The following PLCG2 variants were observed in gnomAD, a reference collection of about 807,000 sequenced individuals.
PLCG2 encodes the protein 1-phosphatidylinositol 4,5-bisphosphate phosphodiesterase gamma-2.
In PLCG2, 69 loss-of-function variants were observed where a neutral mutation model predicts 175.6. That is an observed-to-expected ratio of 0.39 (90% confidence interval 0.32 to 0.48). The LOEUF (loss-of-function observed/expected upper bound fraction) is 0.48. PLCG2 is among the 20% of genes least tolerant of loss of function. The pLI is 0.91. For synonymous variants in PLCG2, 827 were observed against 624.0 expected (o/e 1.33, Z -4.85); for missense variants, 1,798 against 1,650.9 (o/e 1.09, Z -1.54).
At chr16:81,849,921 TAACTAACTTTGGAA>T (rs1405547480) in intron 2 of PLCG2, among the ~76,000 whole-genome samples, 1 of 151,960 alleles carries the variant, frequency 6.6e-6, no homozygotes, top group African/African-American at 2.4e-5. Flanking sequence ...GGTGGGTGAA[TAACTAACTTTGGAA>T]AACAAACCTT....
At chr16:81,871,860 A>G (rs1044537363) in intron 7 of PLCG2, among the ~76,000 whole-genome samples, 9 of 144,098 alleles carry the variant, frequency 6.2e-5, no homozygotes, top group South Asian at 2.3e-4. Context: ...GAATGTCTCA[A>G]TGGAGGAATT....
intron 3 of PLCG2, among the ~76,000 whole-genome samples, chr16:81,857,199 C>T (rs919463812): frequency 6.6e-6 from 1 of 152,094 alleles, no homozygotes; most frequent in Non-Finnish European, 1.5e-5. Context: ...CTCCGTCATC[C>T]CTCTCTTCTG....
intron 2 of PLCG2, among the ~76,000 whole-genome samples, chr16:81,802,359 G>A (rs970980645): frequency 6.6e-5 from 10 of 151,516 alleles, no homozygotes; most frequent in South Asian, 4.2e-4. Context: ...TGATCCACCC[G>A]CCTCGGCCTC....
intron 2 of PLCG2, among the ~76,000 whole-genome samples, chr16:81,759,508 C>G (rs1456265621): frequency 3.9e-5 from 6 of 152,114 alleles, no homozygotes; most frequent in Admixed American, 3.9e-4. Context: ...AGCAGGAAAG[C>G]TGCATTTTCA....
At chr16:81,772,509 T>C (rs940946572) in intron 2 of PLCG2, among the ~76,000 whole-genome samples, 2 of 151,926 alleles carry the variant, frequency 1.3e-5, no homozygotes, top group African/African-American at 4.8e-5. Context: ...GGCTCAGTGT[T>C]TGTCCAATGA....
rs138871258 is a variant in PLCG2, at chr16:81,788,580, G to C, written c.193+2398G>C. ...GCCCCCACTGTCTGTTTCAGCCACA[G>C]GATGTAAAAGTACCTGTTGCCTGAA... On this transcript the variant is annotated intron_variant, in intron 2 of 32. Coordinates refer to ENST00000564138, the MANE Select transcript of PLCG2 (RefSeq NM_002661.5). 3.1e-3 allele frequency among the ~76,000 whole-genome samples: 473 copies of C among 152,334 alleles called. 2 individuals carry two copies. The highest frequency in any genetic ancestry group is 0.011 in the African/African-American group (455 of 41,564).
intron 5 of PLCG2, among the ~76,000 whole-genome samples, chr16:81,865,892 C>T (rs1200601095): frequency 2.2e-5 from 3 of 138,918 alleles, no homozygotes; most frequent in African/African-American, 8.2e-5. Flanking sequence ...GCTGGCCTCT[C>T]CCTTGCTCCC....
intron 2 of PLCG2, among the ~76,000 whole-genome samples, chr16:81,844,184 C>G (rs1363336778): frequency 7.4e-6 from 1 of 135,278 alleles, no homozygotes; most frequent in African/African-American, 2.8e-5. Context: ...TTAGTAGAGA[C>G]GAGGTTTCAC....
chr16:81,847,978 T>C (rs753285994), intron 2 of PLCG2, among the ~76,000 whole-genome samples: 14 of 152,206 alleles, frequency 9.2e-5, no homozygotes, highest in Admixed American at 2.0e-4. Flanking sequence ...CCCAGCAAGT[T>C]ATTCTGTGGG....
intron 2 of PLCG2, among the ~76,000 whole-genome samples, chr16:81,793,138 C>G (rs954282381): frequency 6.6e-6 from 1 of 152,240 alleles, no homozygotes; most frequent in Non-Finnish European, 1.5e-5. Flanking sequence ...CACAACACCT[C>G]ACTTCCTGGC....
chr16:81,899,442 T>C (rs1909046987), intron 13 of PLCG2, among the ~76,000 whole-genome samples: 1 of 152,074 alleles, frequency 6.6e-6, no homozygotes, highest in South Asian at 2.1e-4. Context: ...TAAAATTGAC[T>C]TGTAACCCCA....
chr16:81,939,588 C>T (rs1330942367), intron 29 of PLCG2, among the ~76,000 whole-genome samples: 1 of 148,170 alleles, frequency 6.7e-6, no homozygotes, highest in Admixed American at 6.6e-5. Context: ...TTCCAAAATC[C>T]ACCTTCCTGC....
intron 18 of PLCG2, 107 bp downstream of exon 18, chr16:81,910,827 C>T (rs1360845311): frequency 2.0e-6 from 2 of 1,013,672 alleles, no homozygotes; most frequent in Non-Finnish European, 3.0e-6. Context: ...AGGACACCCT[C>T]TCCCCAGCCC....
Position 81,961,088 on chromosome 16 carries a change from C to A in PLCG2, c.*3090C>A, listed in dbSNP as rs1377511145. 1 of 231,170 alleles carries A rather than the reference C, an allele frequency of 4.3e-6. No individual in the cohort carries two copies. Among genetic ancestry groups the A allele is most frequent in the Non-Finnish European group, 8.6e-6 (1 of 116,884 alleles). The allele number at this position is 231,170 out of a possible 1,614,324, so 14.3% of individuals were successfully genotyped here. A position where few individuals can be genotyped will look rare whatever the true frequency, so the allele number is the denominator to read the frequency against. ...TTGCAAATGGATTTTCCAAGTTTTT[C>A]TGGTGGTTCCAAATTTTTTGCTTTC... On this transcript the variant is annotated 3_prime_UTR_variant, in exon 33 of 33. Transcript: ENST00000564138.
At chr16:81,870,603 G>A (rs763759134) in intron 6 of PLCG2, among the ~76,000 whole-genome samples, 22 of 152,304 alleles carry the variant, frequency 1.4e-4, no homozygotes, top group Non-Finnish European at 4.4e-5. Context: ...ATTAGGGAAC[G>A]TGTGGAGGGT....
intron 2 of PLCG2, among the ~76,000 whole-genome samples, chr16:81,794,965 C>T (rs1911401583): frequency 6.6e-6 from 1 of 152,202 alleles, no homozygotes; most frequent in African/African-American, 2.4e-5. Flanking sequence ...TTCTCTTATG[C>T]TGAATAGCTG....
intron 2 of PLCG2, among the ~76,000 whole-genome samples, chr16:81,835,782 G>T (rs72832055): frequency 9.2e-5 from 14 of 151,914 alleles, no homozygotes; most frequent in Admixed American, 9.2e-4. Context: ...CAGTGCTCCC[G>T]CTGGAGGCTC....
chr16:81,749,803 C>G (rs1380062637), intron 1 of PLCG2, among the ~76,000 whole-genome samples: 2 of 152,208 alleles, frequency 1.3e-5, no homozygotes, highest in East Asian at 3.9e-4. Context: ...TGGATATACT[C>G]ACCCCACTGT....
chr16:81,837,276 C>G (rs918363031), intron 2 of PLCG2, among the ~76,000 whole-genome samples: 2 of 152,224 alleles, frequency 1.3e-5, no homozygotes, highest in African/African-American at 4.8e-5. Context: ...TCTGCCAGTT[C>G]TCAGACTACC....
Sources: allele counts gnomAD v4.1 joint callset (sites outside exome capture counted in the v4.1 genomes callset), GRCh38; gene constraint gnomAD v4.1.1; transcripts MANE v1.5; gene names NCBI Gene and HGNC (gene_info 2026-07-23, HGNC 2026-07-21).